The following NME7 variants were observed in gnomAD, a reference collection of about 807,000 sequenced individuals.
The protein encoded by NME7 is NME/NM23 family member 7.
Under a neutral mutation model 49.1 loss-of-function variants are expected in NME7, and 41 were observed. The ratio of observed to expected loss-of-function variants is 0.83; its 90% confidence interval spans 0.65 to 1.08. NME7 has a LOEUF of 1.08. NME7 is among the 50% of genes least tolerant of loss of function. The pLI is 0.00. For missense variants in NME7, 423 were observed against 463.4 expected (o/e 0.91, Z 0.80); for synonymous variants, 139 against 150.6 (o/e 0.92, Z 0.56).
chr1:169,149,638 C>T (rs1658853934), intron 11 of NME7, among the ~76,000 whole-genome samples: 1 of 152,164 alleles, frequency 6.6e-6, no homozygotes, highest in South Asian at 2.1e-4. Context: ...TAACAATATG[C>T]TGTAATTACA....
intron 4 of NME7, among the ~76,000 whole-genome samples, chr1:169,308,687 G>T (rs1054873447): frequency 3.9e-4 from 59 of 152,048 alleles, no homozygotes; most frequent in African/African-American, 1.4e-3. Flanking sequence ...AAACTGAAGA[G>T]AAGGTTTTCC....
At chr1:169,148,489 G>A (rs35067189) in intron 11 of NME7, among the ~76,000 whole-genome samples, 8,428 of 132,902 alleles carry the variant, frequency 0.063, 1,122 homozygotes, top group East Asian at 0.61. Context: ...AGCCAAAGTG[G>A]GAGTAGCTGT....
chr1:169,314,302 G>A (rs12076519), intron 3 of NME7, among the ~76,000 whole-genome samples: 7,222 of 151,778 alleles, frequency 0.048, 226 homozygotes, highest in East Asian at 0.12. Flanking sequence ...ATATAATTCA[G>A]CAAAAATCCC....
intron 1 of NME7, among the ~76,000 whole-genome samples, chr1:169,329,740 A>G (rs553403220): frequency 6.6e-5 from 10 of 152,280 alleles, no homozygotes; most frequent in African/African-American, 2.4e-4. Flanking sequence ...CTTAAAGAAG[A>G]AGTAGAGAAA....
intron 7 of NME7, among the ~76,000 whole-genome samples, chr1:169,273,459 TA>T (rs945524440): frequency 2.3e-5 from 3 of 131,128 alleles, no homozygotes; most frequent in African/African-American, 7.9e-5. Flanking sequence ...ATTTTTTTCT[TA>T]ATTTTTTTTT....
intron 3 of NME7, among the ~76,000 whole-genome samples, chr1:169,311,146 C>T (rs35244822): frequency 0.07 from 10,664 of 152,010 alleles, 1,482 homozygotes; most frequent in East Asian, 0.66. Context: ...TGGCCGGGCG[C>T]GGTGGCTCAC....
At chr1:169,302,392 G>A (rs1650983601) in intron 5 of NME7, 1 of 152,018 alleles carries the variant, frequency 6.6e-6, no homozygotes, top group Non-Finnish European at 1.5e-5. Flanking sequence ...AAAAAAATGT[G>A]GTACATATAC....
chr1:169,251,858 G>A (rs1403390957), intron 7 of NME7, among the ~76,000 whole-genome samples: 1 of 151,526 alleles, frequency 6.6e-6, no homozygotes, highest in African/African-American at 2.4e-5. Flanking sequence ...ATGTTTTCCA[G>A]TTTCATCCAT....
chr1:169,352,973 C>G (rs1362712854), intron 1 of NME7, among the ~76,000 whole-genome samples: 1 of 151,998 alleles, frequency 6.6e-6, no homozygotes, highest in East Asian at 1.9e-4. Context: ...TCCATACTAC[C>G]TAAAGCAATC....
At chr1:169,336,893 T>C (rs1013439307) in intron 1 of NME7, among the ~76,000 whole-genome samples, 3 of 152,066 alleles carry the variant, frequency 2.0e-5, no homozygotes, top group Admixed American at 6.5e-5. Flanking sequence ...AGGGTGCTGA[T>C]TGGTGTGTTT....
chr1:169,284,834 A>G (rs1446088114), intron 7 of NME7: 1 of 152,104 alleles, frequency 6.6e-6, no homozygotes, highest in Non-Finnish European at 1.5e-5. Flanking sequence ...ATGTGCAATT[A>G]TTAAGGTATA....
intron 7 of NME7, among the ~76,000 whole-genome samples, chr1:169,244,353 C>A (rs1482281031): frequency 6.6e-6 from 1 of 152,028 alleles, no homozygotes; most frequent in Non-Finnish European, 1.5e-5. Context: ...AAGTTGTTGG[C>A]CAGGTGCGGT....
chr1:169,258,652 T>G (rs1649062078), intron 7 of NME7, among the ~76,000 whole-genome samples: 2 of 131,116 alleles, frequency 1.5e-5, no homozygotes, highest in African/African-American at 5.1e-5. Flanking sequence ...TAGATAGACT[T>G]AAAAATAGAC....
intron 11 of NME7, among the ~76,000 whole-genome samples, chr1:169,141,142 GA>G (rs965101650): frequency 1.3e-5 from 2 of 150,618 alleles, no homozygotes; most frequent in South Asian, 4.2e-4. Flanking sequence ...TCTGGATGAA[GA>G]AAAAAAAAGA....
At chr1:169,322,748 ACCT>A (rs901035424) in intron 3 of NME7, among the ~76,000 whole-genome samples, 1 of 151,726 alleles carries the variant, frequency 6.6e-6, no homozygotes, top group African/African-American at 2.4e-5. Flanking sequence ...CTAGGCAAAA[ACCT>A]CCTGGTCAAC....
chr1:169,312,381 A>C (rs1651429183), intron 3 of NME7, among the ~76,000 whole-genome samples: 3 of 152,238 alleles, frequency 2.0e-5, no homozygotes, highest in South Asian at 4.1e-4. Context: ...ACTGTGAGAG[A>C]AAACCACAAG....
At chr1:169,350,568 T>C (rs1653134487) in intron 1 of NME7, among the ~76,000 whole-genome samples, 1 of 151,884 alleles carries the variant, frequency 6.6e-6, no homozygotes, top group South Asian at 2.1e-4. Flanking sequence ...TGGATGTCTG[T>C]CCCTCTCCCT....
intron 1 of NME7, among the ~76,000 whole-genome samples, chr1:169,337,841 C>T (rs532775298): frequency 2.0e-4 from 31 of 152,294 alleles, no homozygotes; most frequent in Admixed American, 7.8e-4. Flanking sequence ...TAGTCTTCCT[C>T]CAGGGCTTCC....
intron 10 of NME7, among the ~76,000 whole-genome samples, chr1:169,191,383 GA>G (rs913272003): frequency 5.3e-5 from 8 of 151,980 alleles, no homozygotes; most frequent in African/African-American, 1.9e-4. Flanking sequence ...TCAAACAAGA[GA>G]AAAAAAGTCT....
Sources: allele counts gnomAD v4.1 joint callset (sites outside exome capture counted in the v4.1 genomes callset), GRCh38; gene constraint gnomAD v4.1.1; transcripts MANE v1.5; gene names NCBI Gene and HGNC (gene_info 2026-07-23, HGNC 2026-07-21).